Variants in CBFA2T2 observed in about 807,000 individuals in gnomAD.
CBFA2T2 encodes CBFA2/RUNX1 partner transcriptional co-repressor 2, also known as protein CBFA2T2.
In CBFA2T2, 11 loss-of-function variants were observed where a neutral mutation model predicts 62.2. The ratio of observed to expected loss-of-function variants is 0.18; its 90% CI spans 0.11 to 0.29. The LOEUF is 0.29. Ranked by LOEUF, CBFA2T2 falls within the 10% of genes least tolerant of loss-of-function variation. CBFA2T2 has a pLI of 1.00. For synonymous variants in CBFA2T2, 295 were observed against 287.5 expected (o/e 1.03, Z -0.27); for missense variants, 592 against 774.1 (o/e 0.76, Z 2.79).
At chr20:33,505,200 C>T (rs1179453454) in intron 1 of CBFA2T2, among the ~76,000 whole-genome samples, 1 of 152,126 alleles carries the variant, frequency 6.6e-6, no homozygotes, top group Non-Finnish European at 1.5e-5. Flanking sequence ...CATTCTGTCT[C>T]TCTTTTAAGT....
chr20:33,628,274 G>C lies in CBFA2T2; in HGVS notation c.947-76G>C, dbSNP rs1445860755. The C allele has an allele frequency of 5.7e-5, 53 of 926,334 alleles. 1 individual carries two copies. The Admixed American group carries it at 9.1e-4, about 16-fold the overall frequency. The allele number at this position is 926,334 out of a possible 1,614,324, so 57.4% of individuals were successfully genotyped here. Reference sequence around the variant, plus strand: ...GTGATCAAAGTTATTATGAATATGTGTGTATTTACTTGGTAGAATTTGCTT... The same window carrying C: ...GTGATCAAAGTTATTATGAATATGTCTGTATTTACTTGGTAGAATTTGCTT... On this transcript the variant is annotated intron_variant, in intron 6 of 10. Transcript: ENST00000342704.
intron 1 of CBFA2T2, among the ~76,000 whole-genome samples, chr20:33,536,558 G>A (rs2012246548): frequency 6.6e-6 from 1 of 150,900 alleles, no homozygotes; most frequent in South Asian, 2.1e-4. Flanking sequence ...GCCGGGCGTA[G>A]GGGCTCCTCA....
At chr20:33,501,938 C>CTT (rs1383125333) in intron 1 of CBFA2T2, among the ~76,000 whole-genome samples, 3 of 77,672 alleles carry the variant, frequency 3.9e-5, no homozygotes, top group Non-Finnish European at 7.6e-5. Flanking sequence ...CTGCGCCTGG[C>CTT]CTAATTACAA....
In CBFA2T2 at chr20:33,545,470, T is replaced by TTTCTTTCTTTCTTTCTTTCTTTCTTTCG. The variant is rs1209263074; in HGVS notation, c.34+55172_34+55173insTTTCTTTCTTTCTTTCTTTCTTTCGTTC. On this transcript the variant is annotated intron_variant, in intron 1 of 10. Coordinates refer to ENST00000342704, the MANE Select transcript of CBFA2T2 (RefSeq NM_001032999.3). ...CTTTCTTTCTTTCTTTCTTTCTTTC[T>TTTCTTTCTTTCTTTCTTTCTTTCTTTCG]TTCGTTCGTTTGTTTTCCTCTAGGC... 2.9e-3 allele frequency among the ~76,000 whole-genome samples: 445 copies of TTTCTTTCTTTCTTTCTTTCTTTCTTTCG among 151,362 alleles called. 1 individual carries two copies. Among genetic ancestry groups the TTTCTTTCTTTCTTTCTTTCTTTCTTTCG allele is most frequent in the African/African-American group, 9.6e-3 (391 of 40,882 alleles).
At chr20:33,593,082 A>G (rs1260592727) in intron 1 of CBFA2T2, among the ~76,000 whole-genome samples, 3 of 152,106 alleles carry the variant, frequency 2.0e-5, no homozygotes, top group Non-Finnish European at 4.4e-5. Flanking sequence ...TGTAATCCTA[A>G]TAGTTGTGGG....
intron 1 of CBFA2T2, among the ~76,000 whole-genome samples, chr20:33,523,947 G>A (rs2011808978): frequency 1.3e-5 from 2 of 151,984 alleles, no homozygotes; most frequent in African/African-American, 4.8e-5. Flanking sequence ...GCCTCCCAAA[G>A]TGCTGAGATT....
At chr20:33,581,597 G>T (rs955675950) in intron 1 of CBFA2T2, among the ~76,000 whole-genome samples, 2 of 152,068 alleles carry the variant, frequency 1.3e-5, no homozygotes, top group African/African-American at 2.4e-5. Context: ...TTTGGCAATG[G>T]TATCAACAGC....
chr20:33,592,882 A>G (rs73119166), intron 1 of CBFA2T2, among the ~76,000 whole-genome samples: 1,644 of 152,310 alleles, frequency 0.011, 16 homozygotes, highest in Non-Finnish European at 0.015. Context: ...ATTAACCTCT[A>G]TAAAGAAGCT....
intron 1 of CBFA2T2, among the ~76,000 whole-genome samples, chr20:33,497,169 A>T (rs1228975388): frequency 6.8e-6 from 1 of 146,962 alleles, no homozygotes. Context: ...GCTACTCAGG[A>T]GGCTGAGGCA....
At chr20:33,584,380 C>T (rs112523421) in intron 1 of CBFA2T2, among the ~76,000 whole-genome samples, 22,024 of 151,720 alleles carry the variant, frequency 0.15, 2,020 homozygotes, top group East Asian at 0.4. Flanking sequence ...ATTCTCCTAC[C>T]TCAGCCTCCC....
Position 33,559,172 on chromosome 20 carries a change from C to CTTTTTTTTTTTTTTTT in CBFA2T2, c.35-47778_35-47763dup, listed in dbSNP as rs376048540. On this transcript the variant is annotated intron_variant, in intron 1 of 10. Coordinates refer to ENST00000342704, the MANE Select transcript of CBFA2T2 (RefSeq NM_001032999.3). ...CAATTGCAGCTTCTTTTTTTCCTTTCTTTTTTTTTTTTTTTTTTTTTCTGA... is the reference window on the plus strand; with the variant it reads ...CAATTGCAGCTTCTTTTTTTCCTTTCTTTTTTTTTTTTTTTTTTTTTTTTTTTTTTTTTTTTTCTGA... 2.8e-3 allele frequency among the ~76,000 whole-genome samples: 248 copies of CTTTTTTTTTTTTTTTT among 87,618 alleles called. 16 individuals carry two copies. The highest frequency in any genetic ancestry group is 0.012 in the Admixed American group (79 of 6,546). 57.5% of individuals were successfully genotyped at this position (87,618 alleles called of 152,430 possible).
intron 1 of CBFA2T2, among the ~76,000 whole-genome samples, chr20:33,585,033 C>T (rs6120310): frequency 6.6e-6 from 1 of 152,134 alleles, no homozygotes; most frequent in Admixed American, 6.6e-5. Context: ...GACCTCAAAC[C>T]TTGTTTTTTT....
At chr20:33,511,473 C>T (rs958152975) in intron 1 of CBFA2T2, among the ~76,000 whole-genome samples, 1 of 152,106 alleles carries the variant, frequency 6.6e-6, no homozygotes, top group African/African-American at 2.4e-5. Context: ...TCTGAGGCCT[C>T]TGTTCTGTTC....
intron 1 of CBFA2T2, among the ~76,000 whole-genome samples, chr20:33,605,755 C>G (rs1320667890): frequency 6.6e-6 from 1 of 152,022 alleles, no homozygotes; most frequent in Non-Finnish European, 1.5e-5. Flanking sequence ...GAGAGGTTGA[C>G]TCCCTCTTTT....
At chr20:33,607,929 A>G (rs1435450911) in intron 2 of CBFA2T2, among the ~76,000 whole-genome samples, 2 of 152,224 alleles carry the variant, frequency 1.3e-5, no homozygotes, top group Non-Finnish European at 2.9e-5. Context: ...CCATCAAGGA[A>G]ATGCAAACTA....
At position 33,644,900 on chromosome 20, in the gene CBFA2T2, C is replaced by T; in HGVS notation, c.*254C>T. On this transcript the variant is annotated 3_prime_UTR_variant, in exon 11 of 11. Transcript: ENST00000342704. ...TCCTCCATGGCTTTCCTGGTTTGTT[C>T]CTCTCTCCACTGAAGCTGACTTAGC... The T allele has an allele frequency of 2.0e-6, 1 of 492,622 alleles. No homozygotes were observed. The highest frequency in any genetic ancestry group is 3.1e-5 in the South Asian group (1 of 32,332). 30.5% of individuals were successfully genotyped at this position (492,622 alleles called of 1,614,324 possible).
At chr20:33,547,897 A>G (rs562596369) in intron 1 of CBFA2T2, among the ~76,000 whole-genome samples, 196 of 152,238 alleles carry the variant, frequency 1.3e-3, no homozygotes, top group African/African-American at 4.6e-3. Context: ...AAAACCAGAA[A>G]TACTTTACTG....
At chr20:33,593,086 T>C (rs1016571735) in intron 1 of CBFA2T2, among the ~76,000 whole-genome samples, 25 of 152,208 alleles carry the variant, frequency 1.6e-4, no homozygotes, top group African/African-American at 6.0e-4. Context: ...ATCCTAATAG[T>C]TGTGGGAGGC....
At chr20:33,593,271 G>T (rs1194906213) in intron 1 of CBFA2T2, among the ~76,000 whole-genome samples, 3 of 152,000 alleles carry the variant, frequency 2.0e-5, no homozygotes, top group Non-Finnish European at 1.5e-5. Flanking sequence ...GGCAAAGGTT[G>T]CAGTGAGCCG....
Sources: gnomAD v4.1 joint callset for allele counts (sites outside exome capture counted in the v4.1 genomes callset) on GRCh38, gnomAD v4.1.1 for gene constraint, MANE v1.5 for transcripts, NCBI Gene and HGNC (gene_info 2026-07-23, HGNC 2026-07-21) for gene names.